Variants in AGAP1 observed in about 807,000 individuals in gnomAD.
AGAP1 encodes the protein arf-GAP with GTPase, ANK repeat and PH domain-containing protein 1.
Under a neutral mutation model 105.3 loss-of-function variants are expected in AGAP1, and 29 were observed. That is an observed-to-expected ratio of 0.28 (90% confidence interval 0.21 to 0.38). The LOEUF is 0.38. AGAP1 is among the 10% of genes least tolerant of loss of function. The pLI, the probability that AGAP1 is intolerant of heterozygous loss-of-function variation, is 1.00. For missense variants in AGAP1, 998 were observed against 1,165.1 expected, an observed-to-expected ratio of 0.86 and a Z score of 2.09; for synonymous variants, 509 against 485.9, an observed-to-expected ratio of 1.05 and a Z score of -0.63.
chr2:235,966,621 TGTGA>T (rs970434554), intron 12 of AGAP1, among the ~76,000 whole-genome samples: 2 of 152,138 alleles, frequency 1.3e-5, no homozygotes, highest in African/African-American at 2.4e-5. Flanking sequence ...TTCCGCCTTT[TGTGA>T]GTGAGTGACC....
At chr2:235,680,659 G>GGT (rs1387723329) in intron 1 of AGAP1, among the ~76,000 whole-genome samples, 1 of 152,112 alleles carries the variant, frequency 6.6e-6, no homozygotes, top group Non-Finnish European at 1.5e-5. Flanking sequence ...TACTAGCATA[G>GGT]GTGTGTGCAG....
chr2:235,641,199 G>A (rs1414225688), intron 1 of AGAP1, among the ~76,000 whole-genome samples: 1 of 152,102 alleles, frequency 6.6e-6, no homozygotes, highest in Non-Finnish European at 1.5e-5. Context: ...ATGCATAATG[G>A]GAGTTTTGAA....
In AGAP1 at chr2:236,027,681, G is replaced by C. The variant is rs1162728989; in HGVS notation, c.1646-8880G>C. 6.6e-6 allele frequency among the ~76,000 whole-genome samples: 1 copy of C among 152,122 alleles called. No homozygotes were observed. Among genetic ancestry groups the C allele is most frequent in the African/African-American group, 2.4e-5 (1 of 41,426 alleles). Reference sequence around the variant, plus strand: ...GGGAGCTGATGCTGGACCCCGCATTGACGAGACAGAGGGGGCCATCTTGTG... The same window carrying C: ...GGGAGCTGATGCTGGACCCCGCATTCACGAGACAGAGGGGGCCATCTTGTG... On this transcript the variant is annotated intron_variant, in intron 13 of 17. Coordinates refer to ENST00000304032, the MANE Select transcript of AGAP1 (RefSeq NM_001037131.3). The surrounding 1 kb of genome is among the most constrained non-coding windows in gnomAD (Gnocchi z 4.4).
At chr2:235,796,071 G>T (rs1045414537) in intron 6 of AGAP1, among the ~76,000 whole-genome samples, 5 of 152,144 alleles carry the variant, frequency 3.3e-5, no homozygotes, top group Admixed American at 6.5e-5. Context: ...CATTTCTTAC[G>T]AATGTAAAGT....
At chr2:235,536,799 C>A (rs922841524) in intron 1 of AGAP1, among the ~76,000 whole-genome samples, 10 of 152,220 alleles carry the variant, frequency 6.6e-5, no homozygotes, top group African/African-American at 4.8e-5. Context: ...TCACTTGATT[C>A]TTCACGCGTC....
At chr2:235,671,277 C>T (rs1948408287) in intron 1 of AGAP1, among the ~76,000 whole-genome samples, 2 of 152,196 alleles carry the variant, frequency 1.3e-5, no homozygotes, top group Admixed American at 1.3e-4. Flanking sequence ...CCTCGGAGTC[C>T]ACCACCTTCA....
chr2:235,629,591 G>A (rs996084109), intron 1 of AGAP1, among the ~76,000 whole-genome samples: 2 of 151,926 alleles, frequency 1.3e-5, no homozygotes, highest in East Asian at 1.9e-4. Flanking sequence ...TTGAGGGGCC[G>A]GGCGCAGTGG....
intron 1 of AGAP1, among the ~76,000 whole-genome samples, chr2:235,558,737 G>A (rs749049386): frequency 2.0e-5 from 3 of 152,126 alleles, no homozygotes; most frequent in Non-Finnish European, 4.4e-5. Context: ...GCTTTCAGCC[G>A]CAGCAACTTA....
chr2:235,932,984 A>G (rs565358131), intron 12 of AGAP1, among the ~76,000 whole-genome samples: 27 of 152,234 alleles, frequency 1.8e-4, no homozygotes, highest in Non-Finnish European at 3.5e-4. Flanking sequence ...GTGGGTGTCC[A>G]TTAAAGACCA....
At chr2:235,594,127 A>T (rs994592685) in intron 1 of AGAP1, among the ~76,000 whole-genome samples, 3 of 152,196 alleles carry the variant, frequency 2.0e-5, no homozygotes, top group African/African-American at 7.2e-5. Context: ...GTGGAGATTG[A>T]GATGTTAAAT....
chr2:235,926,574 C>A (rs2052457205), intron 11 of AGAP1, among the ~76,000 whole-genome samples: 1 of 152,234 alleles, frequency 6.6e-6, no homozygotes, highest in Non-Finnish European at 1.5e-5. Flanking sequence ...TATGTTTCTG[C>A]ATTATCACAC....
chr2:235,531,172 G>T (rs1943032477), intron 1 of AGAP1, among the ~76,000 whole-genome samples: 1 of 152,224 alleles, frequency 6.6e-6, no homozygotes, highest in South Asian at 2.1e-4. Context: ...TCCTGGTCCA[G>T]TGATACCTCT....
intron 11 of AGAP1, among the ~76,000 whole-genome samples, chr2:235,929,978 A>G (rs533026875): frequency 4.9e-4 from 74 of 152,330 alleles, no homozygotes; most frequent in African/African-American, 1.8e-3. Flanking sequence ...AAGATCTGCA[A>G]ATAGACCTAA....
Position 235,707,189 on chromosome 2 carries a change from C to T in AGAP1, c.164-1990C>T, listed in dbSNP as rs563221399. On this transcript the variant is annotated intron_variant, in intron 1 of 17. Transcript: ENST00000304032. Reference sequence around the variant, plus strand: ...TTTGCGGGCAGTGCAGGGAGAAGTCCGCCTCCCAGGCATCTTCTTCCTCAG... The same window carrying T: ...TTTGCGGGCAGTGCAGGGAGAAGTCTGCCTCCCAGGCATCTTCTTCCTCAG... Among the ~76,000 whole-genome samples, 12 of 152,328 alleles carry T rather than the reference C, an allele frequency of 7.9e-5. No homozygotes were observed. In the East Asian group the frequency reaches 1.2e-3, roughly 15 times the overall value.
intron 10 of AGAP1, among the ~76,000 whole-genome samples, chr2:235,902,787 C>T (rs542519301): frequency 2.6e-5 from 4 of 152,326 alleles, no homozygotes; most frequent in East Asian, 3.9e-4. Flanking sequence ...CATCACCCTC[C>T]GGTAGCCAGC....
chr2:235,969,652 C>T (rs1469272936), intron 13 of AGAP1, among the ~76,000 whole-genome samples: 3 of 152,186 alleles, frequency 2.0e-5, no homozygotes, highest in Non-Finnish European at 4.4e-5. Context: ...TGGCCCATCC[C>T]GTCCACATAT....
intron 16 of AGAP1, among the ~76,000 whole-genome samples, chr2:236,064,025 C>T (rs1020633672): frequency 6.6e-6 from 1 of 152,234 alleles, no homozygotes; most frequent in East Asian, 1.9e-4. Context: ...TCAAGGACCT[C>T]GAAGAGCTGC....
chr2:235,849,334 G>A (rs1307098754), intron 9 of AGAP1, among the ~76,000 whole-genome samples: 2 of 152,240 alleles, frequency 1.3e-5, no homozygotes, highest in Admixed American at 6.5e-5. Flanking sequence ...GGCCAATTAT[G>A]AGTACACATA....
Position 235,904,511 on chromosome 2 carries a change from T to A in AGAP1, c.1156-4227T>A, listed in dbSNP as rs1241803154. The stretch of plus-strand genomic sequence containing the variant: ...TAAGTGCTGTTTAAAAGTACTTGGC[T>A]TTGAATTACCCTCACGCCTTGTTAA... On this transcript the variant is annotated intron_variant, in intron 10 of 17. Transcript: ENST00000304032. The surrounding 1 kb of genome is among the most constrained non-coding windows in gnomAD (Gnocchi z 4.2). Among the ~76,000 whole-genome samples the A allele has an allele frequency of 6.6e-6, 1 of 152,214 alleles. No homozygotes were observed. The highest frequency in any genetic ancestry group is 1.5e-5 in the Non-Finnish European group (1 of 68,046).
Sources: allele counts gnomAD v4.1 joint callset (sites outside exome capture counted in the v4.1 genomes callset), GRCh38; gene constraint gnomAD v4.1.1; non-coding constraint Gnocchi (gnomAD v3.1); transcripts MANE v1.5; gene names NCBI Gene and HGNC (gene_info 2026-07-23, HGNC 2026-07-21).